Variants in EDEM3 observed in about 807,000 individuals in gnomAD.
EDEM3 encodes ER degradation enhancing alpha-mannosidase like protein 3, also known as ER degradation-enhancing alpha-mannosidase-like protein 3.
Under a neutral mutation model 110.2 loss-of-function variants are expected in EDEM3, and 60 were observed. The ratio of observed to expected loss-of-function variants is 0.54; its 90% CI spans 0.44 to 0.67. EDEM3 has a LOEUF of 0.67. Among genes scored for constraint, EDEM3 ranks in the 30% least tolerant of loss-of-function variants. EDEM3 has a pLI of 0.00. For missense variants in EDEM3, 996 were observed against 1,121.0 expected (o/e 0.89, Z 1.59); for synonymous variants, 352 against 382.9 (o/e 0.92, Z 0.94).
chr1:184,723,249 T>C (rs192763434), intron 8 of EDEM3, among the ~76,000 whole-genome samples: 1 of 152,098 alleles, frequency 6.6e-6, no homozygotes, highest in African/African-American at 2.4e-5. Context: ...TTAATCCTCA[T>C]ACAGAACAAC....
chr1:184,737,636 C>A lies in EDEM3; in HGVS notation c.280G>T (p.Gly94Cys), dbSNP rs146347520. 6.2e-7 allele frequency: 1 copy of A among 1,613,938 alleles called. No homozygotes were observed. Among genetic ancestry groups the A allele is most frequent in the Admixed American group, 1.7e-5 (1 of 60,002 alleles). Residue 94 changes from glycine to cysteine, a missense_variant, in exon 3 of 20, where the codon GGT becomes TGT. Gly to Cys is a radical substitution (Grantham distance 159, BLOSUM62 -3). Coordinates refer to ENST00000318130, the MANE Select transcript of EDEM3 (RefSeq NM_025191.4). ...GRVRGQEPSR[G>C]DVDDALGKFS... is the part of the protein sequence containing the mutation. ...TTTCCCAAGGCATCATCAACGTCAC[C>A]GCGACTTGGCTCTTGGCCTCTAACT...
chr1:184,750,488 C>T (rs1316054358), intron 1 of EDEM3, among the ~76,000 whole-genome samples: 1 of 151,250 alleles, frequency 6.6e-6, no homozygotes. Flanking sequence ...CAAAGGAAAA[C>T]ACAGCTTAAC....
chr1:184,718,863 T>C (rs1040558952), intron 11 of EDEM3, among the ~76,000 whole-genome samples: 1 of 152,096 alleles, frequency 6.6e-6, no homozygotes, highest in Non-Finnish European at 1.5e-5. Flanking sequence ...AATATTACAA[T>C]GGCATAAGTT....
intron 6 of EDEM3, among the ~76,000 whole-genome samples, chr1:184,729,813 G>T (rs556963907): frequency 4.6e-5 from 7 of 151,526 alleles, no homozygotes; most frequent in Non-Finnish European, 8.8e-5. Context: ...AACGCTCATA[G>T]TATCTTCTGT....
chr1:184,711,320 G>A (rs1471607381), intron 15 of EDEM3, among the ~76,000 whole-genome samples: 2 of 151,964 alleles, frequency 1.3e-5, no homozygotes, highest in Non-Finnish European at 1.5e-5. Flanking sequence ...GGCTGGTCTC[G>A]AACTCCTGAC....
chr1:184,713,223 T>C (rs1171355704), intron 13 of EDEM3, among the ~76,000 whole-genome samples: 3 of 151,922 alleles, frequency 2.0e-5, no homozygotes, highest in African/African-American at 7.3e-5. Flanking sequence ...CCGAGTGCAG[T>C]GTCACTGCAC....
chr1:184,753,423 T>C (rs1044010985), intron 1 of EDEM3, among the ~76,000 whole-genome samples: 6 of 146,800 alleles, frequency 4.1e-5, no homozygotes, highest in Non-Finnish European at 6.1e-5. Flanking sequence ...TTTTTTTTTT[T>C]CGAGACAGAG....
Position 184,692,016 on chromosome 1 carries a change from A to G in EDEM3, c.*2047T>C, listed in dbSNP as rs1649085254. Reference sequence around the variant, plus strand: ...TTGGAAAAGAAATTAGGTTGTTTTGATAACTTAGAAAAGTTAGTTTTAGAC... The same window carrying G: ...TTGGAAAAGAAATTAGGTTGTTTTGGTAACTTAGAAAAGTTAGTTTTAGAC... On this transcript the variant is annotated 3_prime_UTR_variant, in exon 20 of 20. Coordinates refer to ENST00000318130, the MANE Select transcript of EDEM3 (RefSeq NM_025191.4). 6.6e-6 allele frequency: 1 copy of G among 152,092 alleles called. No homozygotes were observed. The highest frequency in any genetic ancestry group is 2.4e-5 in the African/African-American group (1 of 41,444). The allele number at this position is 152,092 out of a possible 1,614,324, so 9.4% of individuals were successfully genotyped here.
intron 1 of EDEM3, among the ~76,000 whole-genome samples, chr1:184,753,948 C>T (rs1355068576): frequency 2.0e-5 from 3 of 152,154 alleles, no homozygotes; most frequent in African/African-American, 7.2e-5. Flanking sequence ...TGAATAATTT[C>T]CCCCCAAACA....
At chr1:184,709,993 C>G (rs1370375203) in intron 16 of EDEM3, among the ~76,000 whole-genome samples, 1 of 152,128 alleles carries the variant, frequency 6.6e-6, no homozygotes, top group East Asian at 1.9e-4. Context: ...GAACAAAATA[C>G]TTAAGATTCA....
intron 2 of EDEM3, among the ~76,000 whole-genome samples, chr1:184,741,569 G>C (rs1483104853): frequency 6.6e-6 from 1 of 151,942 alleles, no homozygotes. Flanking sequence ...CAAAGACTTT[G>C]AAGGTTTATA....
chr1:184,712,276 T>C (rs563038069), intron 14 of EDEM3, among the ~76,000 whole-genome samples, 157 bp downstream of exon 14: 62 of 152,154 alleles, frequency 4.1e-4, no homozygotes, highest in South Asian at 4.1e-4. Context: ...TATAAGTGTA[T>C]ACAGGATGCA....
In EDEM3 at chr1:184,734,572, A is replaced by T. The variant is rs777627529; in HGVS notation, c.417T>A (p.Asp139Glu). Residue 139 changes from aspartate (D) to glutamate (E), a missense_variant, in exon 5 of 20, where the codon GAT becomes GAA. By Grantham distance (45) the Asp-to-Glu change is conservative. Coordinates refer to ENST00000318130, the MANE Select transcript of EDEM3 (RefSeq NM_025191.4). The part of the protein sequence containing the change: ...KVLRDVNLDN[D>E]VVVSVFETNI... ...TTGTTTCAAAGACTGATACGACTAC[A>T]TCGTTATCTAAATTAACATCTCTTA... 6.4e-7 allele frequency: 1 copy of T among 1,556,334 alleles called. No homozygotes were observed. Among genetic ancestry groups the T allele is most frequent in the East Asian group, 2.4e-5 (1 of 42,494 alleles).
chr1:184,710,290 T>C (rs560920396), intron 16 of EDEM3, 104 bp downstream of exon 16: 2 of 1,375,540 alleles, frequency 1.5e-6, no homozygotes, highest in East Asian at 2.4e-5. Flanking sequence ...TTAAACAGTA[T>C]ATTTAAAGTG....
intron 4 of EDEM3, 26 bp from the exon 5 acceptor site, chr1:184,734,669 A>G: frequency 1.0e-6 from 1 of 966,440 alleles, no homozygotes; most frequent in Middle Eastern, 2.2e-4. Flanking sequence ...TATGAAATAA[A>G]GTTCTTTTCT....
chr1:184,752,359 A>G (rs2102143590), intron 1 of EDEM3, among the ~76,000 whole-genome samples: 1 of 152,246 alleles, frequency 6.6e-6, no homozygotes, highest in South Asian at 2.1e-4. Context: ...ATGAATCATT[A>G]TTTGGGCTTT....
At chr1:184,738,489 T>C (rs1651954939) in intron 2 of EDEM3, among the ~76,000 whole-genome samples, 1 of 152,192 alleles carries the variant, frequency 6.6e-6, no homozygotes, top group Non-Finnish European at 1.5e-5. Context: ...AATAAACACC[T>C]ATGTGCATGT....
chr1:184,725,311 G>C (rs1202419208), intron 7 of EDEM3, among the ~76,000 whole-genome samples: 1 of 152,068 alleles, frequency 6.6e-6, no homozygotes, highest in Non-Finnish European at 1.5e-5. Flanking sequence ...CAGCTGTGCA[G>C]GTCTGTCATA....
At chr1:184,737,569 G>T (rs1181014033) in intron 3 of EDEM3, 42 bp downstream of exon 3, 6 of 1,570,548 alleles carry the variant, frequency 3.8e-6, no homozygotes, top group Non-Finnish European at 4.4e-6. Context: ...CTAAGACTTG[G>T]GAACTCTGAG....
Sources: allele counts gnomAD v4.1 joint callset (sites outside exome capture counted in the v4.1 genomes callset), GRCh38; gene constraint gnomAD v4.1.1; transcripts MANE v1.5; gene names NCBI Gene and HGNC (gene_info 2026-07-23, HGNC 2026-07-21).